Variants in FBXW11 observed in about 807,000 individuals in gnomAD.
FBXW11 encodes the protein F-box/WD repeat-containing protein 11.
A neutral mutation model predicts 77.6 loss-of-function variants in FBXW11; 19 were observed. The ratio of observed to expected loss-of-function variants is 0.24; its 90% CI spans 0.17 to 0.36. The LOEUF (loss-of-function observed/expected upper bound fraction) is 0.36. FBXW11 is among the 10% of genes least tolerant of loss of function. FBXW11 has a pLI of 1.00. For synonymous variants in FBXW11, 235 were observed against 249.4 expected (o/e 0.94, Z 0.54); for missense variants, 334 against 704.2 (o/e 0.47, Z 5.95).
chr5:171,898,955 T>C, intron 6 of FBXW11, 49 bp downstream of exon 6: 1 of 1,235,788 alleles, frequency 8.1e-7, no homozygotes. Context: ...CATAAAAAGT[T>C]GAGAACAAGA....
intron 1 of FBXW11, among the ~76,000 whole-genome samples, chr5:171,967,363 A>G (rs1050263627): frequency 2.0e-5 from 3 of 152,256 alleles, no homozygotes; most frequent in African/African-American, 7.2e-5. Flanking sequence ...ATTACCCATA[A>G]GACAAACTAT....
At position 171,915,147 on chromosome 5, in the gene FBXW11, A is replaced by C. The variant is rs1052131289; in HGVS notation, c.148-742T>G. 3.9e-5 allele frequency among the ~76,000 whole-genome samples: 6 copies of C among 152,220 alleles called. 1 individual carries two copies. The highest frequency in any genetic ancestry group is 3.3e-4 in the Admixed American group (5 of 15,280). On this transcript the variant is annotated intron_variant, in intron 2 of 13. Transcript: ENST00000517395. ...CACCTAATGGCTAAATGGAAACTTA[A>C]TGAGAAGGGGAAGTGGGCTAGTTGT...
chr5:171,999,429 A>G (rs1766279667), intron 1 of FBXW11, among the ~76,000 whole-genome samples: 1 of 151,560 alleles, frequency 6.6e-6, no homozygotes, highest in Admixed American at 6.6e-5. Context: ...ACACATATAT[A>G]TTTCTTCAAT....
chr5:171,939,975 C>CA (rs945138810), intron 2 of FBXW11, among the ~76,000 whole-genome samples: 21 of 151,294 alleles, frequency 1.4e-4, no homozygotes, highest in African/African-American at 4.6e-4. Context: ...CTTATAATTC[C>CA]AAAAAAAAGT....
At chr5:172,005,394 AATTTG>A (rs1440903258) in intron 1 of FBXW11, among the ~76,000 whole-genome samples, 3 of 152,230 alleles carry the variant, frequency 2.0e-5, no homozygotes, top group African/African-American at 7.2e-5. Flanking sequence ...TCCAGAGCCC[AATTTG>A]ATTTCCCTCA....
chr5:172,005,405 C>T (rs542003426), intron 1 of FBXW11, among the ~76,000 whole-genome samples: 67 of 152,184 alleles, frequency 4.4e-4, no homozygotes, highest in African/African-American at 1.5e-3. Context: ...ATTTGATTTC[C>T]CTCATGTTCA....
rs1765973071 is a variant in FBXW11 at position 171,995,353 on chromosome 5, A to ACTC, written c.45+11102_45+11104dup. Among the ~76,000 whole-genome samples the ACTC allele has an allele frequency of 2.6e-5, 4 of 152,076 alleles. No homozygotes were observed. The South Asian group carries it at 8.3e-4, about 32-fold the overall frequency. ...TATTTAAATGCATTGTCTCTCCTAT[A>ACTC]CTCCCTAAATTACCTTTACATTCAC... On this transcript the variant is annotated intron_variant, in intron 1 of 13. Transcript: ENST00000517395.
chr5:171,909,020 T>G (rs547448877), intron 4 of FBXW11, among the ~76,000 whole-genome samples: 90 of 152,306 alleles, frequency 5.9e-4, no homozygotes, highest in Non-Finnish European at 6.2e-4. Flanking sequence ...CACACTACAC[T>G]GGCCACATCA....
chr5:171,876,431 T>A lies in FBXW11; in HGVS notation c.1075A>T (p.Lys359Ter). 6.2e-7 allele frequency: 1 copy of A among 1,614,126 alleles called. No individual in the cohort carries two copies. The highest frequency in any genetic ancestry group is 8.5e-7 in the Non-Finnish European group (1 of 1,180,026). Residue 359 changes from lysine (K) to a stop codon, truncating the protein, a stop_gained, in exon 9 of 14, where the codon AAG becomes TAG. Transcript: ENST00000517395. LOFTEE classifies it high-confidence loss of function. The surrounding 1 kb of genome is among the most constrained non-coding windows in gnomAD (Gnocchi z 4.2). ...FSNGLMVTCS[K>*]DRSIAVWDMA... Reference sequence around the variant, plus strand: ...TCCCACACAGCAATGGAGCGGTCCTTGGAACAGGTCACCATCAGTCCATTG... The same window carrying A: ...TCCCACACAGCAATGGAGCGGTCCTAGGAACAGGTCACCATCAGTCCATTG...
At chr5:171,893,420 C>CAAAAAA (rs1561656713) in intron 6 of FBXW11, among the ~76,000 whole-genome samples, 5 of 4,534 alleles carry the variant, frequency 1.1e-3, no homozygotes, top group South Asian at 0.062. Context: ...CACTTCAAAA[C>CAAAAAA]CAAAAAAAAA....
chr5:171,879,930 AT>A (rs1026880823), intron 7 of FBXW11, among the ~76,000 whole-genome samples: 1 of 152,114 alleles, frequency 6.6e-6, no homozygotes, highest in African/African-American at 2.4e-5. Context: ...GAAATTTTTA[AT>A]TTTAACAAAG....
At chr5:172,005,392 C>A (rs1766678042) in intron 1 of FBXW11, among the ~76,000 whole-genome samples, 1 of 152,192 alleles carries the variant, frequency 6.6e-6, no homozygotes, top group African/African-American at 2.4e-5. Flanking sequence ...TCTCCAGAGC[C>A]CAATTTGATT....
chr5:171,969,670 C>T (rs1216177585), intron 1 of FBXW11, among the ~76,000 whole-genome samples: 2 of 152,116 alleles, frequency 1.3e-5, no homozygotes, highest in African/African-American at 2.4e-5. Flanking sequence ...AGTTCCACTG[C>T]CTTCAAGAGT....
At chr5:171,944,397 A>T (rs1029685973) in intron 2 of FBXW11, among the ~76,000 whole-genome samples, 1 of 151,874 alleles carries the variant, frequency 6.6e-6, no homozygotes, top group Non-Finnish European at 1.5e-5. Flanking sequence ...AACATGGTGA[A>T]ACCCCATCTC....
chr5:171,883,125 A>T (rs571203326), intron 7 of FBXW11, among the ~76,000 whole-genome samples: 6 of 152,316 alleles, frequency 3.9e-5, no homozygotes, highest in South Asian at 4.2e-4. Flanking sequence ...TCATTCCTTT[A>T]TATGGCTGCA....
At chr5:171,993,971 T>C (rs749517364) in intron 1 of FBXW11, among the ~76,000 whole-genome samples, 3 of 152,188 alleles carry the variant, frequency 2.0e-5, no homozygotes, top group Non-Finnish European at 2.9e-5. Context: ...GACAGCACTG[T>C]ACTAAAAGGT....
At chr5:171,899,240 T>G (rs1759951115) in intron 5 of FBXW11, 146 bp from the exon 6 acceptor site, 1 of 557,832 alleles carries the variant, frequency 1.8e-6, no homozygotes, top group Non-Finnish European at 3.1e-6. Context: ...TCTGACAAAT[T>G]TACATGTTAC....
At chr5:171,880,331 C>T (rs914339037) in intron 7 of FBXW11, among the ~76,000 whole-genome samples, 1 of 152,208 alleles carries the variant, frequency 6.6e-6, no homozygotes, top group Non-Finnish European at 1.5e-5. Flanking sequence ...CACCACACCA[C>T]TGTGATGACT....
At chr5:171,927,883 G>A (rs1055648112) in intron 2 of FBXW11, among the ~76,000 whole-genome samples, 5 of 152,128 alleles carry the variant, frequency 3.3e-5, no homozygotes, top group Non-Finnish European at 5.9e-5. Flanking sequence ...TTTCCTTTGC[G>A]AATTCCTTGA....
Sources: allele counts gnomAD v4.1 joint callset (sites outside exome capture counted in the v4.1 genomes callset), GRCh38; gene constraint gnomAD v4.1.1; non-coding constraint Gnocchi (gnomAD v3.1); transcripts MANE v1.5; gene names NCBI Gene and HGNC (gene_info 2026-07-23, HGNC 2026-07-21).